The following EDEM1 variants were observed in gnomAD, a reference collection of about 807,000 sequenced individuals.
EDEM1 encodes the protein ER degradation-enhancing alpha-mannosidase-like protein 1.
EDEM1 carries 67 observed loss-of-function variants against 74.4 expected under a neutral mutation model. The observed-to-expected ratio is 0.90, with a 90% CI of 0.74 to 1.10. EDEM1 has a LOEUF of 1.10. EDEM1 is among the 50% of genes least tolerant of loss of function. The pLI is 0.00. For missense variants in EDEM1, 926 were observed against 851.6 expected (o/e 1.09, Z -1.09); for synonymous variants, 382 against 335.9 (o/e 1.14, Z -1.50).
chr3:5,196,961 G>A (rs1217265887), intron 2 of EDEM1, among the ~76,000 whole-genome samples: 4 of 145,436 alleles, frequency 2.8e-5, no homozygotes, highest in Admixed American at 6.9e-5. Context: ...AGAGAGTCTC[G>A]CTCTGCCGCC....
intron 1 of EDEM1, among the ~76,000 whole-genome samples, chr3:5,192,464 G>C (rs1426652541): frequency 6.6e-6 from 1 of 152,184 alleles, no homozygotes; most frequent in Non-Finnish European, 1.5e-5. Flanking sequence ...CATCTTTTCT[G>C]TTTTGAGGTG....
intron 8 of EDEM1, among the ~76,000 whole-genome samples, chr3:5,208,467 G>A (rs886316691): frequency 6.6e-6 from 1 of 152,092 alleles, no homozygotes; most frequent in African/African-American, 2.4e-5. Flanking sequence ...AGTCAAATAT[G>A]TTTTTAACCT....
intron 10 of EDEM1, among the ~76,000 whole-genome samples, chr3:5,211,583 A>T (rs766519939): frequency 6.6e-6 from 1 of 151,842 alleles, no homozygotes; most frequent in Non-Finnish European, 1.5e-5. Context: ...GATGTATGTG[A>T]TCTTAGCCAA....
In EDEM1 at chr3:5,219,706, A is replaced by G. The variant is rs1270984481; in HGVS notation, c.*3788A>G. On this transcript the variant is annotated 3_prime_UTR_variant, in exon 12 of 12. Coordinates refer to ENST00000256497, the MANE Select transcript of EDEM1 (RefSeq NM_014674.3). The stretch of plus-strand genomic sequence containing the variant: ...AAGAAAGGTAAATCTTTTTACAAAA[A>G]AAAGTATAGAGTTGGAAACTCTGGG... 6.5e-6 allele frequency: 1 copy of G among 152,696 alleles called. No individual in the cohort carries two copies. Among genetic ancestry groups the G allele is most frequent in the Non-Finnish European group, 1.5e-5 (1 of 68,050 alleles). The allele number at this position is 152,696 out of a possible 1,614,324, so 9.5% of individuals were successfully genotyped here.
At position 5,205,170 on chromosome 3, in the gene EDEM1, C is replaced by T. The variant is rs1412432655; in HGVS notation, c.1146C>T (p.Leu382=). The T allele has an allele frequency of 1.2e-6, 2 of 1,614,236 alleles. No homozygotes were observed. The highest frequency in any genetic ancestry group is 1.1e-5 in the South Asian group (1 of 91,082). The change falls in exon 6 of 12, where the codon CTC becomes CTT. Residue 382 remains leucine (L), a synonymous_variant. Coordinates refer to ENST00000256497, the MANE Select transcript of EDEM1 (RefSeq NM_014674.3). The part of the protein sequence containing the change: ...FYEYLLKSYI[L]FGEKEDLEMF... ...AATACCTCTTGAAATCTTACATTCT[C>T]TTTGGAGAAAAAGAAGACCTAGAAA...
intron 11 of EDEM1, among the ~76,000 whole-genome samples, 158 bp from the exon 12 acceptor site, chr3:5,215,671 C>A (rs2055225790): frequency 6.6e-6 from 1 of 152,198 alleles, no homozygotes; most frequent in African/African-American, 2.4e-5. Flanking sequence ...GCAAGGGGTG[C>A]TGCTGACCGT....
intron 1 of EDEM1, among the ~76,000 whole-genome samples, chr3:5,190,946 T>A (rs1309114000): frequency 6.6e-6 from 1 of 152,188 alleles, no homozygotes; most frequent in African/African-American, 2.4e-5. Flanking sequence ...ACATGAGATA[T>A]TTTGGCACAG....
Position 5,216,879 on chromosome 3 carries a change from T to C in EDEM1, c.*961T>C, listed in dbSNP as rs190123982. The C allele has an allele frequency of 1.5e-3, 227 of 152,786 alleles. 1 individual carries two copies. The highest frequency in any genetic ancestry group is 4.9e-3 in the African/African-American group (204 of 41,586). 9.5% of individuals were successfully genotyped at this position (152,786 alleles called of 1,614,324 possible). A position where few individuals can be genotyped will look rare whatever the true frequency, so the allele number is the denominator to read the frequency against. Reference sequence around the variant, plus strand: ...TTTCTCATATTTCCTAAGCAAGGATTCTCACTTCTGACCATATTTGGGTTA... The same window carrying C: ...TTTCTCATATTTCCTAAGCAAGGATCCTCACTTCTGACCATATTTGGGTTA... On this transcript the variant is annotated 3_prime_UTR_variant, in exon 12 of 12. Transcript: ENST00000256497.
At position 5,204,107 on chromosome 3, in the gene EDEM1, A is replaced by C. The variant is rs1488736283; in HGVS notation, c.1042+958A>C. 4.6e-5 allele frequency among the ~76,000 whole-genome samples: 7 copies of C among 152,256 alleles called. No homozygotes were observed. In the East Asian group the frequency reaches 1.2e-3, roughly 25 times the overall value. On this transcript the variant is annotated intron_variant, in intron 5 of 11. Transcript: ENST00000256497. ...TACATTTGTTGTATTTAACAACAGC[A>C]ATAGAAATAAAGAAGTCACTCAAAT...
At chr3:5,211,351 T>C (rs2055165478) in intron 10 of EDEM1, 135 bp downstream of exon 10, 2 of 808,990 alleles carry the variant, frequency 2.5e-6, no homozygotes, top group Non-Finnish European at 2.0e-6. Context: ...ATGCAAACGC[T>C]GTCAGAACCA....
At position 5,207,942 on chromosome 3, in the gene EDEM1, G is replaced by A. The variant is rs1036160204; in HGVS notation, c.1339-151G>A. 13 of 840,590 alleles carry A rather than the reference G, an allele frequency of 1.5e-5. No homozygotes were observed. In the African/African-American group the frequency reaches 2.1e-4, roughly 14 times the overall value. The allele number at this position is 840,590 out of a possible 1,614,324, so 52.1% of individuals were successfully genotyped here. ...ATAGGGAGGGCATTTATTTGTCTGG[G>A]TTGTCACTTTTGGGTTGGTTTTGTC... is the stretch of plus-strand genomic sequence containing the variant. On this transcript the variant is annotated intron_variant, in intron 7 of 11. Coordinates refer to ENST00000256497, the MANE Select transcript of EDEM1 (RefSeq NM_014674.3).
intron 1 of EDEM1, among the ~76,000 whole-genome samples, chr3:5,191,922 T>A (rs2054906653): frequency 6.6e-6 from 1 of 152,254 alleles, no homozygotes; most frequent in East Asian, 1.9e-4. Context: ...TTCTGGCTTT[T>A]GGGCATGTGA....
chr3:5,205,219 A>G lies in EDEM1; in HGVS notation c.1195A>G (p.Ile399Val). 6.2e-7 allele frequency: 1 copy of G among 1,614,072 alleles called. No homozygotes were observed. Among genetic ancestry groups the G allele is most frequent in the Non-Finnish European group, 8.5e-7 (1 of 1,179,968 alleles). ...LEMFNAAYQS[I>V]QNYLRRGREA... ...AATGTTTAATGCTGCATATCAGAGTATTCAGAACTACTTAAGAAGAGGGTA... is the reference window on the plus strand; with the variant it reads ...AATGTTTAATGCTGCATATCAGAGTGTTCAGAACTACTTAAGAAGAGGGTA... The change falls in exon 6 of 12, where the codon ATT becomes GTT. Residue 399 changes from isoleucine to valine, a missense_variant. By Grantham distance (29) the Ile-to-Val change is conservative. Transcript: ENST00000256497.
At chr3:5,199,138 T>A (rs1192893613) in intron 2 of EDEM1, among the ~76,000 whole-genome samples, 1 of 152,274 alleles carries the variant, frequency 6.6e-6, no homozygotes, top group Admixed American at 6.5e-5. Flanking sequence ...CATTCAGTTT[T>A]CCACATGTTT....
At chr3:5,204,373 C>CT (rs111864790) in intron 5 of EDEM1, among the ~76,000 whole-genome samples, 140 of 145,424 alleles carry the variant, frequency 9.6e-4, no homozygotes, top group African/African-American at 1.9e-3. Context: ...TTTCCCTTTT[C>CT]TTTTTTTTTT....
intron 11 of EDEM1, among the ~76,000 whole-genome samples, chr3:5,215,070 G>A (rs1303477591): frequency 1.3e-5 from 2 of 152,224 alleles, no homozygotes; most frequent in Non-Finnish European, 2.9e-5. Flanking sequence ...GCACAGAGAT[G>A]TGGGCTGGTG....
At chr3:5,215,206 A>G (rs2055217843) in intron 11 of EDEM1, among the ~76,000 whole-genome samples, 1 of 150,072 alleles carries the variant, frequency 6.7e-6, no homozygotes, top group South Asian at 2.1e-4. Flanking sequence ...GAAGCAGATA[A>G]TGAATGTATT....
intron 6 of EDEM1, among the ~76,000 whole-genome samples, chr3:5,205,457 A>G (rs902537566): frequency 2.0e-5 from 3 of 152,228 alleles, no homozygotes; most frequent in African/African-American, 7.2e-5. Flanking sequence ...GCTTAAAACA[A>G]CAAGCATTAT....
intron 6 of EDEM1, among the ~76,000 whole-genome samples, chr3:5,206,563 T>C (rs981011719): frequency 1.3e-5 from 2 of 152,228 alleles, no homozygotes; most frequent in Admixed American, 1.3e-4. Flanking sequence ...GTGCAAGTTA[T>C]AGCTACTGAG....
Sources: allele counts gnomAD v4.1 joint callset (sites outside exome capture counted in the v4.1 genomes callset), GRCh38; gene constraint gnomAD v4.1.1; transcripts MANE v1.5; gene names NCBI Gene and HGNC (gene_info 2026-07-23, HGNC 2026-07-21).